FSTL5: variants seen among roughly 807,000 people sequenced by gnomAD.
FSTL5 encodes follistatin-related protein 5.
A neutral mutation model predicts 89.1 loss-of-function variants in FSTL5; 62 were observed. That is an observed-to-expected ratio of 0.70 (90% confidence interval 0.57 to 0.86). FSTL5 has a LOEUF of 0.86. Among genes scored for constraint, FSTL5 ranks in the 40% least tolerant of loss-of-function variants. The probability of loss-of-function intolerance (pLI) is 0.00; values close to 1 mark genes in which losing one functional copy is unlikely to be tolerated. For missense variants in FSTL5, 1,057 were observed against 1,001.6 expected (o/e 1.06, Z -0.75); for synonymous variants, 383 against 346.2 (o/e 1.11, Z -1.18).
intron 4 of FSTL5, among the ~76,000 whole-genome samples, chr4:161,909,018 A>G (rs906589921): frequency 3.3e-5 from 5 of 152,118 alleles, no homozygotes; most frequent in African/African-American, 1.2e-4. Flanking sequence ...ATAGGCCTAT[A>G]TGCTTCCCAA....
chr4:161,880,263 A>C (rs1226247278), intron 4 of FSTL5, among the ~76,000 whole-genome samples: 2 of 152,056 alleles, frequency 1.3e-5, no homozygotes, highest in African/African-American at 4.8e-5. Flanking sequence ...AAACTTCATA[A>C]AATTTGATTT....
In FSTL5 at chr4:161,656,511, T is replaced by C; in HGVS notation, c.728-17A>G. On this transcript the variant is annotated splice_polypyrimidine_tract_variant and intron_variant, in intron 6 of 15. Transcript: ENST00000306100. ...GGATCACTTCTGTAAAGATGAAGTG[T>C]CAGTAATGTTGATGAGCATTTAGTT... The C allele has an allele frequency of 6.7e-7, 1 of 1,482,532 alleles. No homozygotes were observed. Among genetic ancestry groups the C allele is most frequent in the Non-Finnish European group, 9.0e-7 (1 of 1,113,786 alleles). The allele number at this position is 1,482,532 out of a possible 1,614,324, so 91.8% of individuals were successfully genotyped here.
At chr4:161,812,815 C>T (rs1466819626) in intron 4 of FSTL5, among the ~76,000 whole-genome samples, 3 of 124,846 alleles carry the variant, frequency 2.4e-5, no homozygotes, top group Non-Finnish European at 4.7e-5. Flanking sequence ...TATTGACTGA[C>T]AGTGGAGGTA....
intron 4 of FSTL5, among the ~76,000 whole-genome samples, chr4:161,813,690 T>C (rs535713970): frequency 6.6e-6 from 1 of 152,318 alleles, no homozygotes; most frequent in South Asian, 2.1e-4. Flanking sequence ...TTAGTTATTT[T>C]ATCTAAATGA....
intron 13 of FSTL5, among the ~76,000 whole-genome samples, chr4:161,463,452 A>G (rs78671070): frequency 0.025 from 3,738 of 152,288 alleles, 136 homozygotes; most frequent in African/African-American, 0.083. Flanking sequence ...TATGATTTTC[A>G]TCAACAGAAT....
chr4:162,084,094 A>G (rs1300561969), intron 2 of FSTL5, among the ~76,000 whole-genome samples: 3 of 151,958 alleles, frequency 2.0e-5, no homozygotes, highest in African/African-American at 7.2e-5. Context: ...ATATTAAAAT[A>G]TATCATAAAA....
chr4:161,974,730 A>G (rs1386880429), intron 3 of FSTL5, among the ~76,000 whole-genome samples: 1 of 119,892 alleles, frequency 8.3e-6, no homozygotes, highest in East Asian at 2.5e-4. Context: ...AGCAATGGCA[A>G]CAAAAGCCAA....
chr4:162,077,397 C>G (rs1729895477), intron 2 of FSTL5, among the ~76,000 whole-genome samples: 1 of 151,854 alleles, frequency 6.6e-6, no homozygotes, highest in African/African-American at 2.4e-5. Flanking sequence ...CACATGCAAA[C>G]CATAGTAATA....
chr4:161,959,471 T>G (rs373395262), intron 3 of FSTL5, among the ~76,000 whole-genome samples: 1 of 152,134 alleles, frequency 6.6e-6, no homozygotes, highest in African/African-American at 2.4e-5. Context: ...TGAATTAATG[T>G]ATAATGACTA....
At chr4:162,127,069 C>T (rs969678934) in intron 1 of FSTL5, among the ~76,000 whole-genome samples, 1 of 152,070 alleles carries the variant, frequency 6.6e-6, no homozygotes. Flanking sequence ...CCTTTTACCC[C>T]ACCTCAAATC....
At chr4:161,437,109 T>A (rs182027804) in intron 15 of FSTL5, among the ~76,000 whole-genome samples, 1 of 152,018 alleles carries the variant, frequency 6.6e-6, no homozygotes, top group Non-Finnish European at 1.5e-5. Flanking sequence ...TTGGAGGCAT[T>A]GGAATAGGTT....
At chr4:161,770,901 T>G (rs1165660337) in intron 5 of FSTL5, among the ~76,000 whole-genome samples, 5 of 152,016 alleles carry the variant, frequency 3.3e-5, no homozygotes, top group African/African-American at 1.2e-4. Flanking sequence ...TTTAGTTGTC[T>G]CTAGGAGAGA....
Position 161,577,974 on chromosome 4 carries a change from G to GT in FSTL5, c.1015+9480dup, listed in dbSNP as rs879345417. On this transcript the variant is annotated intron_variant, in intron 8 of 15. Coordinates refer to ENST00000306100, the MANE Select transcript of FSTL5 (RefSeq NM_020116.5). ...GCTACTCTAGACAGACTCAAATATAGTTTTTTTTTTCTTTTTTAAAGTCTC... is the reference window on the plus strand; with the variant it reads ...GCTACTCTAGACAGACTCAAATATAGTTTTTTTTTTTCTTTTTTAAAGTCTC... 8.3e-3 allele frequency among the ~76,000 whole-genome samples: 1,239 copies of GT among 149,228 alleles called. 16 individuals carry two copies. Among genetic ancestry groups the GT allele is most frequent in the African/African-American group, 0.028 (1,128 of 40,802 alleles).
intron 6 of FSTL5, among the ~76,000 whole-genome samples, chr4:161,695,725 G>A (rs1738134662): frequency 2.0e-5 from 3 of 151,916 alleles, no homozygotes; most frequent in Admixed American, 2.0e-4. Flanking sequence ...GTGATGTTGA[G>A]CATTTTTTCA....
Position 161,654,833 on chromosome 4 carries a change from C to G in FSTL5, c.894+1495G>C, listed in dbSNP as rs112200045. On this transcript the variant is annotated intron_variant, in intron 7 of 15. Transcript: ENST00000306100. ...TTGCCCCACCTCATTTCCACAGATA[C>G]CCCATAAGCACACAATTTTTACTTT... is the stretch of plus-strand genomic sequence containing the variant. Among the ~76,000 whole-genome samples, 286 of 152,166 alleles carry G rather than the reference C, an allele frequency of 1.9e-3. 1 individual carries two copies. The highest frequency in any genetic ancestry group is 6.7e-3 in the African/African-American group (277 of 41,558).
intron 3 of FSTL5, among the ~76,000 whole-genome samples, chr4:161,937,516 C>T (rs568565063): frequency 6.6e-6 from 1 of 152,124 alleles, no homozygotes; most frequent in Non-Finnish European, 1.5e-5. Flanking sequence ...CAATTTGCTA[C>T]AAGCCTCCAG....
rs149113343 is a variant in FSTL5, at chr4:161,639,595, C to T, written c.894+16733G>A. On this transcript the variant is annotated intron_variant, in intron 7 of 15. Transcript: ENST00000306100. ...TCTCTACACCTAGACAATAATTGCA[C>T]TGGCAGCCTCTGTCTGATGGAACTG... Among the ~76,000 whole-genome samples the T allele has an allele frequency of 1.2e-4, 18 of 152,234 alleles. No individual in the cohort carries two copies. The East Asian group carries it at 2.9e-3, about 25-fold the overall frequency.
chr4:161,577,692 A>G (rs1364709719), intron 8 of FSTL5, among the ~76,000 whole-genome samples: 1 of 152,134 alleles, frequency 6.6e-6, no homozygotes, highest in Non-Finnish European at 1.5e-5. Context: ...GGGAATCTAA[A>G]TACAGATCTG....
intron 4 of FSTL5, among the ~76,000 whole-genome samples, chr4:161,919,622 T>C (rs1733936878): frequency 6.6e-6 from 1 of 152,088 alleles, no homozygotes; most frequent in African/African-American, 2.4e-5. Flanking sequence ...AGGTTAGAAG[T>C]CAGATTAATT....
Sources: allele counts gnomAD v4.1 joint callset (sites outside exome capture counted in the v4.1 genomes callset), GRCh38; gene constraint gnomAD v4.1.1; transcripts MANE v1.5; gene names NCBI Gene and HGNC (gene_info 2026-07-23, HGNC 2026-07-21).